Variants in C2CD2L observed in about 807,000 individuals in gnomAD.
The protein encoded by C2CD2L is C2CD2 like.
In C2CD2L, 24 loss-of-function variants were observed where a neutral mutation model predicts 69.9. The ratio of observed to expected loss-of-function variants is 0.34; its 90% CI spans 0.25 to 0.48. C2CD2L has a LOEUF of 0.48. Among genes scored for constraint, C2CD2L ranks in the 20% least tolerant of loss-of-function variants. C2CD2L has a pLI of 0.99. For synonymous variants in C2CD2L, 367 were observed against 391.0 expected (o/e 0.94, Z 0.72); for missense variants, 811 against 941.5 (o/e 0.86, Z 1.81).
rs1458161876 is a variant in C2CD2L, at chr11:119,107,565, C to T, written c.-177C>T. ...CCCCGGCATCGCGACCCCCGAGGAC[C>T]TCCTCTCCTCGCCCTGTGGCACCCA... On this transcript the variant is annotated 5_prime_UTR_variant, in exon 1 of 14. Transcript: ENST00000648610. This position sits in a 1 kb window ranked among gnomAD's most constrained non-coding sequence, Gnocchi z 5.4. 2.4e-6 allele frequency: 1 copy of T among 424,018 alleles called. No individual in the cohort carries two copies. Among genetic ancestry groups the T allele is most frequent in the Non-Finnish European group, 4.1e-6 (1 of 243,572 alleles). The allele number at this position is 424,018 out of a possible 1,614,324, so 26.3% of individuals were successfully genotyped here. A position where few individuals can be genotyped will look rare whatever the true frequency, so the allele number is the denominator to read the frequency against.
chr11:119,111,005 A>C, intron 4 of C2CD2L, 47 bp from the exon 5 acceptor site: 2 of 1,612,592 alleles, frequency 1.2e-6, no homozygotes. Flanking sequence ...GGAGGGAGGC[A>C]GAGGTGGGGG....
Position 119,108,111 on chromosome 11 carries a change from C to G in C2CD2L, c.354+16C>G. ...CAGAAACGGGGTGAGTTGGACCAAG[C>G]GCTTGGGTGGTCCCTTCAGCCTTTC... On this transcript the variant is annotated intron_variant, in intron 1 of 13. Transcript: ENST00000648610. The G allele has an allele frequency of 2.6e-6, 4 of 1,547,526 alleles. No homozygotes were observed. The highest frequency in any genetic ancestry group is 2.3e-5 in the South Asian group (2 of 88,000).
upstream of C2CD2L, chr11:119,102,400 A>G (rs1027376404): frequency 1.3e-5 from 6 of 460,780 alleles, no homozygotes; most frequent in Non-Finnish European, 2.3e-5. Context: ...GTTCCCGGAA[A>G]CAAAGCTACG....
intron 1 of C2CD2L, among the ~76,000 whole-genome samples, chr11:119,108,662 G>A (rs1004402878): frequency 4.6e-5 from 7 of 152,186 alleles, no homozygotes; most frequent in African/African-American, 1.7e-4. Context: ...ACCAGTAGAT[G>A]AGCTTGGAAC....
At position 119,110,111 on chromosome 11, in the gene C2CD2L, T is replaced by C; in HGVS notation, c.362T>C (p.Ile121Thr). The C allele has an allele frequency of 6.2e-7, 1 of 1,612,880 alleles. No homozygotes were observed. Residue 121 changes from isoleucine (I) to threonine (T), a missense_variant, in exon 2 of 14, where the codon ATC (isoleucine) becomes ACC (threonine). By Grantham distance (89) the Ile-to-Thr change is moderately conservative. Transcript: ENST00000648610. The surrounding 1 kb of genome is among the most constrained non-coding windows in gnomAD (Gnocchi z 5.7). ...NEQACRNGSSIQIAFEEVPQL... is the reference protein window; with the variant it reads ...NEQACRNGSSTQIAFEEVPQL... ...CCCACATTACTCCCTCAGAGCTCCA[T>C]CCAAATCGCCTTTGAGGAGGTGCCC... is the stretch of plus-strand genomic sequence containing the variant.
chr11:119,107,675 C>G lies in C2CD2L; in HGVS notation c.-67C>G, dbSNP rs1449584670. ...GCCCACCTCCTCCCCGCGGCCCGCC[C>G]GGGCCATGCTCCCCCGGGGCAGCGG... On this transcript the variant is annotated 5_prime_UTR_variant, in exon 1 of 14. Coordinates refer to ENST00000648610, the MANE Select transcript of C2CD2L (RefSeq NM_001290474.2). This position sits in a 1 kb window ranked among gnomAD's most constrained non-coding sequence, Gnocchi z 5.4. 4.7e-6 allele frequency: 5 copies of G among 1,068,698 alleles called. No homozygotes were observed. Among genetic ancestry groups the G allele is most frequent in the Non-Finnish European group, 6.2e-6 (5 of 809,008 alleles). The allele number at this position is 1,068,698 out of a possible 1,614,324, so 66.2% of individuals were successfully genotyped here. A position where few individuals can be genotyped will look rare whatever the true frequency, so the allele number is the denominator to read the frequency against.
In C2CD2L at chr11:119,112,866, G is replaced by A. The variant is rs868260522; in HGVS notation, c.1379G>A (p.Gly460Asp). Reference sequence around the variant, plus strand: ...GTCCAGTCCCGGCCCCGTATAGACGGCAAATTAGGTAAAGAGAAGGAGCCT... The same window carrying A: ...GTCCAGTCCCGGCCCCGTATAGACGACAAATTAGGTAAAGAGAAGGAGCCT... ...TTVQSRPRID[G>D]KLDSPSRSPS... The change falls in exon 10 of 14, where the codon GGC becomes GAC. Residue 460 changes from glycine (G) to aspartate (D), a missense_variant. Physicochemically the swap from Gly to Asp is moderately conservative, Grantham distance 94. Coordinates refer to ENST00000648610, the MANE Select transcript of C2CD2L (RefSeq NM_001290474.2). The A allele has an allele frequency of 6.2e-7, 1 of 1,613,532 alleles. No individual in the cohort carries two copies. The highest frequency in any genetic ancestry group is 8.5e-7 in the Non-Finnish European group (1 of 1,179,700).
upstream of C2CD2L, among the ~76,000 whole-genome samples, chr11:119,104,502 G>A (rs1459317428): frequency 2.0e-5 from 3 of 152,182 alleles, no homozygotes; most frequent in African/African-American, 7.2e-5. Flanking sequence ...GATAATCTGA[G>A]TATTTTTGTT....
Position 119,114,020 on chromosome 11 carries a change from G to A in C2CD2L, c.1623+32G>A. 7 of 1,613,366 alleles carry A rather than the reference G, an allele frequency of 4.3e-6. No homozygotes were observed. The highest frequency in any genetic ancestry group is 1.1e-5 in the South Asian group (1 of 91,072). Reference sequence around the variant, plus strand: ...GGGCTCTGGGGAGAGGAGCTGGGATGGGGAGAAAGCCCTAATGGGTCGGTC... The same window carrying A: ...GGGCTCTGGGGAGAGGAGCTGGGATAGGGAGAAAGCCCTAATGGGTCGGTC... On this transcript the variant is annotated intron_variant, in intron 12 of 13. Transcript: ENST00000648610. This position sits in a 1 kb window ranked among gnomAD's most constrained non-coding sequence, Gnocchi z 5.1.
chr11:119,107,162 G>A (rs1056699276), upstream of C2CD2L: 1 of 152,262 alleles, frequency 6.6e-6, no homozygotes, highest in Non-Finnish European at 1.5e-5. The surrounding 1 kb of genome is among the most constrained non-coding windows in gnomAD (Gnocchi z 5.4). Flanking sequence ...GCTGAGTGTG[G>A]GAGCACCGCG....
At chr11:119,108,258 G>A in intron 1 of C2CD2L, 163 bp downstream of exon 1, 1 of 536,484 alleles carries the variant, frequency 1.9e-6, no homozygotes. Flanking sequence ...TAAGGCTGGA[G>A]GTTGTAGAAA....
rs1308421561 is a variant in C2CD2L at position 119,116,547 on chromosome 11, G to C, written c.*291G>C. The C allele has an allele frequency of 1.9e-6, 1 of 536,800 alleles. No individual in the cohort carries two copies. The highest frequency in any genetic ancestry group is 3.3e-6 in the Non-Finnish European group (1 of 298,620). The allele number at this position is 536,800 out of a possible 1,614,324, so 33.3% of individuals were successfully genotyped here. A position where few individuals can be genotyped will look rare whatever the true frequency, so the allele number is the denominator to read the frequency against. Reference sequence around the variant, plus strand: ...GAAGCATTTGCCTCCTGCTGAGCCTGGTCCCTGAGCGGAGTCCCAGGGTGC... The same window carrying C: ...GAAGCATTTGCCTCCTGCTGAGCCTCGTCCCTGAGCGGAGTCCCAGGGTGC... On this transcript the variant is annotated 3_prime_UTR_variant, in exon 14 of 14. Transcript: ENST00000648610.
chr11:119,110,244 C>A lies in C2CD2L; in HGVS notation c.450+45C>A. ...TGCCCTCTTTGGGGTCCAAGAAGGA[C>A]TGACCCCAAGGGCTCCCTTTAGTCC... On this transcript the variant is annotated intron_variant, in intron 2 of 13. Coordinates refer to ENST00000648610, the MANE Select transcript of C2CD2L (RefSeq NM_001290474.2). This position sits in a 1 kb window ranked among gnomAD's most constrained non-coding sequence, Gnocchi z 5.7. The A allele has an allele frequency of 7.1e-7, 1 of 1,404,264 alleles. No homozygotes were observed. The highest frequency in any genetic ancestry group is 1.7e-5 in the Admixed American group (1 of 59,630). 87.0% of individuals were successfully genotyped at this position (1,404,264 alleles called of 1,614,324 possible).
In C2CD2L at chr11:119,110,440, C is replaced by A; in HGVS notation, c.451-121C>A. 1 of 1,179,610 alleles carries A rather than the reference C, an allele frequency of 8.5e-7. No individual in the cohort carries two copies. Among genetic ancestry groups the A allele is most frequent in the South Asian group, 1.6e-5 (1 of 63,712 alleles). 73.1% of individuals were successfully genotyped at this position (1,179,610 alleles called of 1,614,324 possible). A position where few individuals can be genotyped will look rare whatever the true frequency, so the allele number is the denominator to read the frequency against. On this transcript the variant is annotated intron_variant, in intron 2 of 13. Coordinates refer to ENST00000648610, the MANE Select transcript of C2CD2L (RefSeq NM_001290474.2). The surrounding 1 kb of genome is among the most constrained non-coding windows in gnomAD (Gnocchi z 5.7). ...TCTGATTCTTTTAGGGATTTATGATCCTGAAAACATGAAGTCCTTAGGAAA... is the reference window on the plus strand; with the variant it reads ...TCTGATTCTTTTAGGGATTTATGATACTGAAAACATGAAGTCCTTAGGAAA...
upstream of C2CD2L, chr11:119,102,499 T>TTC: frequency 2.7e-6 from 1 of 369,288 alleles, no homozygotes; most frequent in Non-Finnish European, 5.5e-6. Context: ...TGGTATTTTT[T>TTC]TCTCAGCATC....
chr11:119,112,337 C>G lies in C2CD2L; in HGVS notation c.1029C>G (p.Gly343=). ...TCCTCTTGTCCCACAGGGATCTGGG[C>G]CCCCAGAGCCGGGAGCTGACCCTCA... The part of the protein sequence containing the change: ...EWTEDLALDL[G]PQSRELTLKV... The change falls in exon 8 of 14, where the codon GGC becomes GGG. Residue 343 remains glycine, a synonymous_variant. Coordinates refer to ENST00000648610, the MANE Select transcript of C2CD2L (RefSeq NM_001290474.2). The G allele has an allele frequency of 2.5e-6, 4 of 1,612,406 alleles. No homozygotes were observed. Among genetic ancestry groups the G allele is most frequent in the Non-Finnish European group, 3.4e-6 (4 of 1,179,644 alleles).
rs1946631204 is a variant in C2CD2L at position 119,107,914 on chromosome 11, G to T, written c.173G>T (p.Gly58Val). 1 of 1,531,770 alleles carries T rather than the reference G, an allele frequency of 6.5e-7. No homozygotes were observed. The highest frequency in any genetic ancestry group is 8.7e-7 in the Non-Finnish European group (1 of 1,145,462). 94.9% of individuals were successfully genotyped at this position (1,531,770 alleles called of 1,614,324 possible). Residue 58 changes from glycine to valine, a missense_variant, in exon 1 of 14, where the codon GGT (glycine) becomes GTT (valine). By Grantham distance (109) the Gly-to-Val change is moderately radical (BLOSUM62 -3). Transcript: ENST00000648610. This position sits in a 1 kb window ranked among gnomAD's most constrained non-coding sequence, Gnocchi z 5.4. ...CCCGCCTTAGCCGGGGAACCCGCGG[G>T]TTCCCTGCGGGAGCTGGGCGTGTGG... ...PGPALAGEPA[G>V]SLRELGVWRS...
In C2CD2L at chr11:119,110,087, C is replaced by T. The variant is rs1187606466; in HGVS notation, c.355-17C>T. On this transcript the variant is annotated splice_polypyrimidine_tract_variant and intron_variant, in intron 1 of 13. Coordinates refer to ENST00000648610, the MANE Select transcript of C2CD2L (RefSeq NM_001290474.2). The surrounding 1 kb of genome is among the most constrained non-coding windows in gnomAD (Gnocchi z 5.7). ...CAGCTCCAGAGACCTGATCCAATGC[C>T]CACATTACTCCCTCAGAGCTCCATC... 2 of 1,583,338 alleles carry T rather than the reference C, an allele frequency of 1.3e-6. No individual in the cohort carries two copies. Among genetic ancestry groups the T allele is most frequent in the Non-Finnish European group, 1.7e-6 (2 of 1,152,128 alleles).
rs1592238445 is a variant in C2CD2L at position 119,110,492 on chromosome 11, C to T, written c.451-69C>T. ...CGGAAGTGGGGAGGGGTCTGCTGAA[C>T]TATTACAGGGCAGTTCAAAGCAGGG... On this transcript the variant is annotated intron_variant, in intron 2 of 13. Coordinates refer to ENST00000648610, the MANE Select transcript of C2CD2L (RefSeq NM_001290474.2). This position sits in a 1 kb window ranked among gnomAD's most constrained non-coding sequence, Gnocchi z 5.7. 1 of 1,538,510 alleles carries T rather than the reference C, an allele frequency of 6.5e-7. No individual in the cohort carries two copies. Among genetic ancestry groups the T allele is most frequent in the East Asian group, 2.3e-5 (1 of 42,814 alleles).
Sources: allele counts gnomAD v4.1 joint callset (sites outside exome capture counted in the v4.1 genomes callset), GRCh38; gene constraint gnomAD v4.1.1; non-coding constraint Gnocchi (gnomAD v3.1); transcripts MANE v1.5; gene names NCBI Gene and HGNC (gene_info 2026-07-23, HGNC 2026-07-21).